TIMP2: variants seen among roughly 807,000 people sequenced by gnomAD.
TIMP2 encodes metalloproteinase inhibitor 2.
TIMP2 carries 5 observed loss-of-function variants against 24.3 expected under a neutral mutation model. The ratio of observed to expected loss-of-function variants is 0.21; its 90% CI spans 0.11 to 0.43. The LOEUF is 0.43. Among genes scored for constraint, TIMP2 ranks in the 20% least tolerant of loss-of-function variants. The pLI is 1.00. For synonymous variants in TIMP2, 130 were observed against 123.2 expected (o/e 1.06, Z -0.37); for missense variants, 221 against 297.5 (o/e 0.74, Z 1.89).
At chr17:78,916,696 TC>T (rs1468276804) in intron 1 of TIMP2, among the ~76,000 whole-genome samples, 3 of 151,792 alleles carry the variant, frequency 2.0e-5, no homozygotes, top group African/African-American at 7.3e-5. Flanking sequence ...CTGCCCCCTC[TC>T]CCCCAGTGCA....
intron 1 of TIMP2, among the ~76,000 whole-genome samples, chr17:78,884,768 C>G (rs550691744): frequency 6.6e-6 from 1 of 152,230 alleles, no homozygotes; most frequent in Non-Finnish European, 1.5e-5. Flanking sequence ...CTCGATATAA[C>G]CCCCTTGCCA....
chr17:78,886,923 T>C (rs1177784081), intron 1 of TIMP2, among the ~76,000 whole-genome samples: 1 of 152,188 alleles, frequency 6.6e-6, no homozygotes, highest in Admixed American at 6.5e-5. Context: ...AATCTCACTA[T>C]GTTGCCCAGG....
chr17:78,868,135 G>A (rs1190562656), intron 3 of TIMP2, among the ~76,000 whole-genome samples: 1 of 152,244 alleles, frequency 6.6e-6, no homozygotes, highest in Admixed American at 6.5e-5. Flanking sequence ...ACCTAAACCA[G>A]AAGAAAATCC....
chr17:78,880,463 G>C (rs1338669930), intron 1 of TIMP2, among the ~76,000 whole-genome samples: 3 of 152,046 alleles, frequency 2.0e-5, no homozygotes, highest in Non-Finnish European at 4.4e-5. Context: ...AAGGTGGATG[G>C]GTTGCTTGAA....
intron 1 of TIMP2, chr17:78,890,500 C>G: frequency 9.6e-7 from 1 of 1,041,200 alleles, no homozygotes; most frequent in South Asian, 1.7e-5. Flanking sequence ...GCCACTGCAC[C>G]CGGCCCCAGA....
intron 1 of TIMP2, among the ~76,000 whole-genome samples, chr17:78,914,989 C>T (rs1408766431): frequency 4.0e-5 from 6 of 151,450 alleles, no homozygotes; most frequent in East Asian, 2.0e-4. Context: ...CTCCGCCTCC[C>T]GGGTTCAAGT....
rs369798929 is a variant in TIMP2 at position 78,855,886 on chromosome 17, G to A, written c.466-22C>T. 5.6e-6 allele frequency: 9 copies of A among 1,613,078 alleles called. No individual in the cohort carries two copies. The East Asian group carries it at 2.0e-4, about 36-fold the overall frequency. ...TGATCTGGGGAGGGGCACACGGAGGGGGACGGAGTCAGGGACCCAGGAAGG... is the reference window on the plus strand; with the variant it reads ...TGATCTGGGGAGGGGCACACGGAGGAGGACGGAGTCAGGGACCCAGGAAGG... On this transcript the variant is annotated intron_variant, in intron 4 of 4. Transcript: ENST00000262768. The surrounding 1 kb of genome is among the most constrained non-coding windows in gnomAD (Gnocchi z 6.0).
chr17:78,873,252 A>C (rs1599150303), intron 2 of TIMP2, among the ~76,000 whole-genome samples: 1 of 149,320 alleles, frequency 6.7e-6, no homozygotes, highest in Admixed American at 6.7e-5. Context: ...CAATAGCATC[A>C]CCTCTCCTGC....
At chr17:78,889,540 G>A (rs1486489846) in intron 1 of TIMP2, among the ~76,000 whole-genome samples, 2 of 152,234 alleles carry the variant, frequency 1.3e-5, no homozygotes. Context: ...TCTCAGCCTT[G>A]GCTAAGCACT....
intron 1 of TIMP2, among the ~76,000 whole-genome samples, chr17:78,881,167 A>G (rs886849139): frequency 6.6e-6 from 1 of 152,242 alleles, no homozygotes; most frequent in African/African-American, 2.4e-5. Flanking sequence ...GGGTTTGCTC[A>G]GTATCACTGG....
At chr17:78,864,601 T>G (rs772148121) in intron 3 of TIMP2, among the ~76,000 whole-genome samples, 5 of 152,154 alleles carry the variant, frequency 3.3e-5, no homozygotes, top group Non-Finnish European at 7.3e-5. Context: ...TAGTTCTGTG[T>G]CCTCATCAAA....
intron 1 of TIMP2, among the ~76,000 whole-genome samples, chr17:78,893,360 CA>C (rs2069942459): frequency 9.5e-6 from 1 of 105,180 alleles, no homozygotes; most frequent in Non-Finnish European, 1.9e-5. Flanking sequence ...GGTGTGTGTG[CA>C]GGGGTGTGTA....
intron 1 of TIMP2, among the ~76,000 whole-genome samples, chr17:78,918,784 A>T (rs2070285114): frequency 6.6e-6 from 1 of 152,138 alleles, no homozygotes; most frequent in Non-Finnish European, 1.5e-5. Flanking sequence ...AGATCACTTG[A>T]GCTCAGGAGT....
intron 1 of TIMP2, among the ~76,000 whole-genome samples, chr17:78,887,964 C>A (rs963944116): frequency 6.6e-6 from 1 of 151,956 alleles, no homozygotes; most frequent in Admixed American, 6.6e-5. Context: ...GAGTAAGAGG[C>A]GTTTGTGTGA....
intron 1 of TIMP2, among the ~76,000 whole-genome samples, chr17:78,876,993 G>C (rs2069733712): frequency 6.6e-6 from 1 of 152,144 alleles, no homozygotes; most frequent in African/African-American, 2.4e-5. Context: ...CCATCCTGCT[G>C]TCAGTTCCTG....
intron 1 of TIMP2, among the ~76,000 whole-genome samples, chr17:78,918,056 GCACACACAAA>G (rs1175557632): frequency 9.4e-5 from 5 of 53,210 alleles, no homozygotes; most frequent in Admixed American, 1.6e-4. Flanking sequence ...ACGTACGCGT[GCACACACAAA>G]CACACACACA....
intron 3 of TIMP2, among the ~76,000 whole-genome samples, chr17:78,864,617 G>A (rs982397097): frequency 4.6e-5 from 7 of 152,024 alleles, no homozygotes; most frequent in Admixed American, 2.0e-4. Flanking sequence ...TCAAAACCTC[G>A]TGCCTCCTCC....
intron 1 of TIMP2, among the ~76,000 whole-genome samples, chr17:78,913,900 A>G (rs1013819563): frequency 5.3e-5 from 8 of 151,396 alleles, no homozygotes; most frequent in Admixed American, 1.3e-4. Flanking sequence ...TCGGGGAAAA[A>G]AAAAAAAAAA....
chr17:78,881,584 C>T (rs1166963784), intron 1 of TIMP2, among the ~76,000 whole-genome samples: 2 of 152,258 alleles, frequency 1.3e-5, no homozygotes, highest in Admixed American at 1.3e-4. Context: ...CAGACGTCTT[C>T]TGAGCGTCAT....
Sources: gnomAD v4.1 joint callset for allele counts (sites outside exome capture counted in the v4.1 genomes callset) on GRCh38, gnomAD v4.1.1 for gene constraint, Gnocchi (gnomAD v3.1) non-coding constraint, MANE v1.5 for transcripts, NCBI Gene and HGNC (gene_info 2026-07-23, HGNC 2026-07-21) for gene names.